The following SH3BGRL2 variants were observed in gnomAD, a reference collection of about 807,000 sequenced individuals.
The protein encoded by SH3BGRL2 is SH3 domain-binding glutamic acid-rich-like protein 2.
Under a neutral mutation model 14.8 loss-of-function variants are expected in SH3BGRL2, and 21 were observed. The ratio of observed to expected loss-of-function variants is 1.42; its 90% CI spans 1.01 to 2.05. The LOEUF (loss-of-function observed/expected upper bound fraction) is 2.05, where lower values mean the gene tolerates loss of function less well. Ranked by LOEUF, SH3BGRL2 falls within the 30% of genes most tolerant of loss-of-function variation. The probability of loss-of-function intolerance (pLI) is 0.00; values close to 1 mark genes in which losing one functional copy is unlikely to be tolerated. For synonymous variants in SH3BGRL2, 50 were observed against 47.8 expected (o/e 1.05, Z -0.19); for missense variants, 147 against 130.8 (o/e 1.12, Z -0.61).
the SH3BGRL2 span, among the ~76,000 whole-genome samples, chr6:79,597,907 G>A: frequency 6.6e-6 from 1 of 152,268 alleles, no homozygotes; most frequent in East Asian, 1.9e-4. Context: ...CTTACTATTT[G>A]ACAATAAAGA....
At chr6:79,589,378 A>G in the SH3BGRL2 span, among the ~76,000 whole-genome samples, 2 of 152,028 alleles carry the variant, frequency 1.3e-5, no homozygotes, top group Non-Finnish European at 1.5e-5. Context: ...TTAATTTACT[A>G]TTAATAAAAT....
rs973800174 is a variant in SH3BGRL2 at position 79,703,295 on chromosome 6, C to G, written c.*3786C>G. The stretch of plus-strand genomic sequence containing the variant: ...TGATAGAGTGGAGGTAAATTAAGAG[C>G]CTCCAGGCTGTGATTCACCATTTGA... On this transcript the variant is annotated 3_prime_UTR_variant, in exon 4 of 4. Transcript: ENST00000369838. 6.6e-6 allele frequency: 1 copy of G among 152,096 alleles called. No homozygotes were observed. The highest frequency in any genetic ancestry group is 2.4e-5 in the African/African-American group (1 of 41,416). 9.4% of individuals were successfully genotyped at this position (152,096 alleles called of 1,614,324 possible). A position where few individuals can be genotyped will look rare whatever the true frequency, so the allele number is the denominator to read the frequency against.
the SH3BGRL2 span, among the ~76,000 whole-genome samples, chr6:79,599,424 T>C: frequency 2.0e-5 from 3 of 149,768 alleles, no homozygotes; most frequent in African/African-American, 7.4e-5. Flanking sequence ...CAGGCTGGAG[T>C]GCAATGGTGC....
At chr6:79,692,473 G>C (rs573318525) in intron 2 of SH3BGRL2, among the ~76,000 whole-genome samples, 15 of 152,104 alleles carry the variant, frequency 9.9e-5, no homozygotes, top group Non-Finnish European at 1.9e-4. Flanking sequence ...TTTCTTCTAG[G>C]GTTTTTATGG....
At chr6:79,552,807 C>T in the SH3BGRL2 span, 1 of 152,180 alleles carries the variant, frequency 6.6e-6, no homozygotes, top group African/African-American at 2.4e-5. Flanking sequence ...GGAAAGTTCT[C>T]AGATGTCAAA....
At chr6:79,688,314 A>G (rs188845574) in intron 2 of SH3BGRL2, among the ~76,000 whole-genome samples, 6 of 152,146 alleles carry the variant, frequency 3.9e-5, no homozygotes, top group Admixed American at 3.3e-4. Flanking sequence ...TTATGCTATT[A>G]TCTATACAGT....
the SH3BGRL2 span, among the ~76,000 whole-genome samples, chr6:79,570,386 TACTC>T: frequency 6.6e-6 from 1 of 152,208 alleles, no homozygotes; most frequent in East Asian, 1.9e-4. Flanking sequence ...CATTTTGCAT[TACTC>T]ACTGCTGGAA....
At chr6:79,545,971 AC>A in the SH3BGRL2 span, among the ~76,000 whole-genome samples, 1 of 152,190 alleles carries the variant, frequency 6.6e-6, no homozygotes, top group Non-Finnish European at 1.5e-5. Context: ...TTTATGAATA[AC>A]ACTGACTTTC....
chr6:79,537,823 C>T, the SH3BGRL2 span, among the ~76,000 whole-genome samples: 1 of 152,008 alleles, frequency 6.6e-6, no homozygotes, highest in Non-Finnish European at 1.5e-5. Context: ...AAACAAATTA[C>T]AAACAAACTG....
chr6:79,566,919 GAAAC>G, the SH3BGRL2 span, among the ~76,000 whole-genome samples: 13 of 147,560 alleles, frequency 8.8e-5, no homozygotes, highest in Non-Finnish European at 2.0e-4. Flanking sequence ...AAAAAAGAAA[GAAAC>G]AAATTGCTTA....
intron 1 of SH3BGRL2, among the ~76,000 whole-genome samples, chr6:79,632,362 C>A (rs1768841958): frequency 6.6e-6 from 1 of 152,124 alleles, no homozygotes; most frequent in Non-Finnish European, 1.5e-5. Flanking sequence ...AGGGACATAG[C>A]ACATGTGTTT....
At chr6:79,598,243 G>A in the SH3BGRL2 span, among the ~76,000 whole-genome samples, 9 of 152,118 alleles carry the variant, frequency 5.9e-5, no homozygotes, top group Admixed American at 2.0e-4. Flanking sequence ...ACTCCTAAGT[G>A]TATAGCCAGA....
At position 79,699,512 on chromosome 6, in the gene SH3BGRL2, A is replaced by G. The variant is rs766004703; in HGVS notation, c.*3A>G. The G allele has an allele frequency of 2.6e-6, 4 of 1,510,526 alleles. No homozygotes were observed. The highest frequency in any genetic ancestry group is 3.5e-6 in the Non-Finnish European group (4 of 1,134,058). The allele number at this position is 1,510,526 out of a possible 1,614,324, so 93.6% of individuals were successfully genotyped here. A position where few individuals can be genotyped will look rare whatever the true frequency, so the allele number is the denominator to read the frequency against. On this transcript the variant is annotated 3_prime_UTR_variant, in exon 4 of 4. Coordinates refer to ENST00000369838, the MANE Select transcript of SH3BGRL2 (RefSeq NM_031469.4). ...TTTTTTTATAGGCAGAACCTTAGAGAAGAAGAGTGGAAGATGACGGAGATG... is the reference window on the plus strand; with the variant it reads ...TTTTTTTATAGGCAGAACCTTAGAGGAGAAGAGTGGAAGATGACGGAGATG...
chr6:79,683,883 T>G (rs535271641), intron 2 of SH3BGRL2, among the ~76,000 whole-genome samples: 1 of 152,326 alleles, frequency 6.6e-6, no homozygotes, highest in East Asian at 1.9e-4. Context: ...TTCCCAGGTC[T>G]CTGTCCTGAC....
the SH3BGRL2 span, among the ~76,000 whole-genome samples, chr6:79,572,745 G>A: frequency 5.3e-5 from 8 of 152,250 alleles, no homozygotes; most frequent in South Asian, 4.1e-4. Flanking sequence ...GATTACAGGC[G>A]TGAGCCACTG....
rs1431378303 is a variant in SH3BGRL2 at position 79,699,431 on chromosome 6, G to A, written c.313-67G>A. 3 of 1,428,876 alleles carry A rather than the reference G, an allele frequency of 2.1e-6. No individual in the cohort carries two copies. The African/African-American group carries it at 4.7e-5, about 22-fold the overall frequency. 88.5% of individuals were successfully genotyped at this position (1,428,876 alleles called of 1,614,324 possible). ...CATTTAAAAAACCCCTGCCAAGGGT[G>A]AATTTTCTTGTCGATGTAATGCAAT... On this transcript the variant is annotated intron_variant, in intron 3 of 3. Coordinates refer to ENST00000369838, the MANE Select transcript of SH3BGRL2 (RefSeq NM_031469.4).
At chr6:79,672,695 A>C (rs1769798056) in intron 1 of SH3BGRL2, among the ~76,000 whole-genome samples, 2 of 152,184 alleles carry the variant, frequency 1.3e-5, no homozygotes, top group Non-Finnish European at 2.9e-5. Context: ...TGTATCCCCC[A>C]TGGATAAGGA....
At chr6:79,608,935 G>A in the SH3BGRL2 span, among the ~76,000 whole-genome samples, 1 of 152,188 alleles carries the variant, frequency 6.6e-6, no homozygotes, top group South Asian at 2.1e-4. Context: ...GAAATGCAGA[G>A]CCCTATACTA....
At chr6:79,545,316 C>T in the SH3BGRL2 span, among the ~76,000 whole-genome samples, 3 of 152,126 alleles carry the variant, frequency 2.0e-5, no homozygotes, top group South Asian at 2.1e-4. Context: ...TCCATGGTGA[C>T]GGATGAAAAA....
Sources: allele counts gnomAD v4.1 joint callset (sites outside exome capture counted in the v4.1 genomes callset), GRCh38; gene constraint gnomAD v4.1.1; transcripts MANE v1.5; gene names NCBI Gene and HGNC (gene_info 2026-07-23, HGNC 2026-07-21).